Variants in RYR3 observed in about 807,000 individuals in gnomAD.
RYR3 encodes ryanodine receptor 3.
Under a neutral mutation model 584.3 loss-of-function variants are expected in RYR3, and 207 were observed. The ratio of observed to expected loss-of-function variants is 0.35; its 90% CI spans 0.32 to 0.40. The LOEUF (loss-of-function observed/expected upper bound fraction) is 0.40. Ranked by LOEUF, RYR3 falls within the 10% of genes least tolerant of loss-of-function variation. The pLI is 1.00. For synonymous variants in RYR3, 2,416 were observed against 2,248.5 expected, an observed-to-expected ratio of 1.07 and a Z score of -2.11; for missense variants, 5,616 against 6,089.2, an observed-to-expected ratio of 0.92 and a Z score of 2.59.
intron 28 of RYR3, 108 bp downstream of exon 28, chr15:33,644,627 G>GGCCACTTACCA (rs2061998079): frequency 1.3e-6 from 1 of 782,300 alleles, no homozygotes; most frequent in Non-Finnish European, 2.1e-6. Flanking sequence ...TCTATGCCCT[G>GGCCACTTACCA]GCCACTTACC....
chr15:33,811,684 AGCAGTG>A, intron 72 of RYR3, among the ~76,000 whole-genome samples: 1 of 152,260 alleles, frequency 6.6e-6, no homozygotes, highest in South Asian at 2.1e-4. Context: ...GTCAGGCCAT[AGCAGTG>A]GCGTGTAGCT....
At chr15:33,764,277 G>A (rs1239196063) in intron 60 of RYR3, among the ~76,000 whole-genome samples, 2 of 152,156 alleles carry the variant, frequency 1.3e-5, no homozygotes, top group Non-Finnish European at 2.9e-5. Flanking sequence ...GTCCTTTGCA[G>A]AGACATGGAT....
intron 73 of RYR3, 67 bp downstream of exon 73, chr15:33,813,061 A>G: frequency 6.3e-7 from 1 of 1,589,202 alleles, no homozygotes; most frequent in Admixed American, 1.7e-5. Flanking sequence ...GCTCCCCTCC[A>G]CACTCAGCAT....
chr15:33,313,254 G>A (rs147980433), intron 1 of RYR3, among the ~76,000 whole-genome samples: 9 of 152,290 alleles, frequency 5.9e-5, no homozygotes, highest in East Asian at 5.8e-4. Context: ...ACAGGAAATC[G>A]AGTGACTTGA....
At chr15:33,777,957 G>C (rs1011093153) in intron 64 of RYR3, among the ~76,000 whole-genome samples, 1 of 152,064 alleles carries the variant, frequency 6.6e-6, no homozygotes, top group Non-Finnish European at 1.5e-5. Context: ...ATCACCTGAG[G>C]TCAGGAGTTC....
rs961257992 is a variant in RYR3 at position 33,623,663 on chromosome 15, T to A, written c.2358-144T>A. On this transcript the variant is annotated intron_variant, in intron 19 of 103. Coordinates refer to ENST00000634891, the MANE Select transcript of RYR3 (RefSeq NM_001036.6). Reference sequence around the variant, plus strand: ...CTGTTTTGTTACATACTGGATGATGTTTGCTGTGGTTAACCTGAAGTCGTT... The same window carrying A: ...CTGTTTTGTTACATACTGGATGATGATTGCTGTGGTTAACCTGAAGTCGTT... 1.4e-5 allele frequency: 9 copies of A among 628,224 alleles called. No homozygotes were observed. The African/African-American group carries it at 1.5e-4, about 10-fold the overall frequency. The allele number at this position is 628,224 out of a possible 1,614,324, so 38.9% of individuals were successfully genotyped here.
At chr15:33,649,332 T>G in intron 31 of RYR3, 97 bp downstream of exon 31, 1 of 1,186,838 alleles carries the variant, frequency 8.4e-7, no homozygotes, top group Middle Eastern at 3.0e-4. Context: ...AGGAAACATC[T>G]TGGCCTCTCT....
Position 33,810,893 on chromosome 15 carries a change from G to A in RYR3, c.10198-85G>A, listed in dbSNP as rs566185954. On this transcript the variant is annotated intron_variant, in intron 71 of 103. Coordinates refer to ENST00000634891, the MANE Select transcript of RYR3 (RefSeq NM_001036.6). The stretch of plus-strand genomic sequence containing the variant: ...CTGATAAAGATCCCAGTGAAACTGT[G>A]CGTTGACTCTCCATACATCCCCATA... 14 of 1,216,152 alleles carry A rather than the reference G, an allele frequency of 1.2e-5. No homozygotes were observed. The African/African-American group carries it at 2.1e-4, about 18-fold the overall frequency. 75.3% of individuals were successfully genotyped at this position (1,216,152 alleles called of 1,614,324 possible). A position where few individuals can be genotyped will look rare whatever the true frequency, so the allele number is the denominator to read the frequency against.
chr15:33,541,389 T>C (rs895136262), intron 7 of RYR3, among the ~76,000 whole-genome samples: 1 of 152,172 alleles, frequency 6.6e-6, no homozygotes, highest in African/African-American at 2.4e-5. Context: ...ACATAAGAGG[T>C]GAAATTATTT....
chr15:33,558,798 G>A (rs990934478), intron 10 of RYR3, among the ~76,000 whole-genome samples: 1 of 152,118 alleles, frequency 6.6e-6, no homozygotes, highest in Non-Finnish European at 1.5e-5. Flanking sequence ...GAGACAATCA[G>A]CATTGAAAAA....
chr15:33,476,234 G>C (rs1483096836), intron 2 of RYR3, among the ~76,000 whole-genome samples: 1 of 152,198 alleles, frequency 6.6e-6, no homozygotes, highest in African/African-American at 2.4e-5. Flanking sequence ...AGAAACAACA[G>C]TGTGTTGTAA....
At chr15:33,468,112 C>T (rs1229585126) in intron 1 of RYR3, among the ~76,000 whole-genome samples, 3 of 152,202 alleles carry the variant, frequency 2.0e-5, no homozygotes, top group Non-Finnish European at 4.4e-5. Context: ...CTGGCTCTGT[C>T]ACTTACAAGC....
intron 34 of RYR3, 132 bp from the exon 35 acceptor site, chr15:33,662,021 G>A (rs1023580193): frequency 6.0e-6 from 4 of 667,520 alleles, no homozygotes; most frequent in Non-Finnish European, 1.0e-5. Context: ...GGCATGATAA[G>A]CCATAAGAGA....
At chr15:33,501,781 T>C (rs954589655) in intron 2 of RYR3, among the ~76,000 whole-genome samples, 4 of 152,194 alleles carry the variant, frequency 2.6e-5, no homozygotes, top group African/African-American at 4.8e-5. Context: ...TAATGCTGTA[T>C]GTACTGTACA....
intron 93 of RYR3, among the ~76,000 whole-genome samples, chr15:33,848,008 G>C (rs557248162): frequency 1.3e-5 from 2 of 152,164 alleles, no homozygotes; most frequent in Non-Finnish European, 2.9e-5. Flanking sequence ...ATCTAGGCGT[G>C]GCCTGCACAC....
rs975627781 is a variant in RYR3, at chr15:33,648,977, A to G, written c.3979-95A>G. On this transcript the variant is annotated intron_variant, in intron 30 of 103. Coordinates refer to ENST00000634891, the MANE Select transcript of RYR3 (RefSeq NM_001036.6). ...TTTCCAGAAAAAAAAGGGGGGGCCA[A>G]GTGAGCTGCTGTGTTATTTCTGCCT... 10 of 1,243,296 alleles carry G rather than the reference A, an allele frequency of 8.0e-6. No homozygotes were observed. In the African/African-American group the frequency reaches 1.2e-4, roughly 15 times the overall value. The allele number at this position is 1,243,296 out of a possible 1,614,324, so 77.0% of individuals were successfully genotyped here.
intron 18 of RYR3, among the ~76,000 whole-genome samples, chr15:33,605,635 C>T (rs1385414536): frequency 6.6e-6 from 1 of 152,148 alleles, no homozygotes; most frequent in East Asian, 1.9e-4. Flanking sequence ...TCACCAAAAC[C>T]CAAAGCTTTC....
chr15:33,493,048 T>G (rs555882351), intron 2 of RYR3, among the ~76,000 whole-genome samples: 1 of 152,266 alleles, frequency 6.6e-6, no homozygotes, highest in East Asian at 1.9e-4. Context: ...GCAAAGCTCA[T>G]TTGTGTTCTT....
At chr15:33,570,456 C>G (rs2057966442) in intron 12 of RYR3, among the ~76,000 whole-genome samples, 1 of 152,054 alleles carries the variant, frequency 6.6e-6, no homozygotes, top group African/African-American at 2.4e-5. Flanking sequence ...GTCATTATTC[C>G]AAAATGACAC....
Sources: allele counts gnomAD v4.1 joint callset (sites outside exome capture counted in the v4.1 genomes callset), GRCh38; gene constraint gnomAD v4.1.1; transcripts MANE v1.5; gene names NCBI Gene and HGNC (gene_info 2026-07-23, HGNC 2026-07-21).